The following CDC7 variants were observed in gnomAD, a reference collection of about 807,000 sequenced individuals.
The protein encoded by CDC7 is cell division cycle 7-related protein kinase.
CDC7 carries 34 observed loss-of-function variants against 53.5 expected under a neutral mutation model. The ratio of observed to expected loss-of-function variants is 0.64; its 90% confidence interval spans 0.48 to 0.85. The LOEUF (loss-of-function observed/expected upper bound fraction) is 0.85. Among genes scored for constraint, CDC7 ranks in the 40% least tolerant of loss-of-function variants. The probability of loss-of-function intolerance (pLI) is 0.00; values close to 1 mark genes in which losing one functional copy is unlikely to be tolerated. For synonymous variants in CDC7, 211 were observed against 222.8 expected (o/e 0.95, Z 0.47); for missense variants, 594 against 679.7 (o/e 0.87, Z 1.40).
At position 91,511,837 on chromosome 1, in the gene CDC7, C is replaced by G. The variant is rs13447503; in HGVS notation, c.486C>G (p.Phe162Leu). The G allele has an allele frequency of 1.2e-3, 1,997 of 1,606,686 alleles. 21 individuals are homozygous for G. The African/African-American group carries it at 0.023, about 18-fold the overall frequency. Residue 162 changes from phenylalanine to leucine, a missense_variant, in exon 6 of 12, where the codon TTC becomes TTG. Coordinates refer to ENST00000234626, the MANE Select transcript of CDC7 (RefSeq NM_003503.4). Reference sequence around the variant, plus strand: ...TACGGGAATATATGCTTAATCTGTTCAAAGCTTTGAAACGCATTCATCAGT... The same window carrying G: ...TACGGGAATATATGCTTAATCTGTTGAAAGCTTTGAAACGCATTCATCAGT... ...QEVREYMLNL[F>L]KALKRIHQFG...
At chr1:91,521,671 G>A (rs748713282) in intron 11 of CDC7, among the ~76,000 whole-genome samples, 5 of 152,182 alleles carry the variant, frequency 3.3e-5, no homozygotes, top group African/African-American at 1.2e-4. Flanking sequence ...GAATAACTTC[G>A]TGAGAGGTTT....
chr1:91,525,589 CAT>C lies in CDC7; in HGVS notation c.*1155_*1156del, dbSNP rs1225414760. ...ATAGAATACAGAAATAGTTTAGGGA[CAT>C]GTATTCATTTTGTTATTTTGAGCAT... On this transcript the variant is annotated 3_prime_UTR_variant, in exon 12 of 12. Transcript: ENST00000234626. 6.6e-6 allele frequency: 1 copy of C among 152,014 alleles called. No individual in the cohort carries two copies. Among genetic ancestry groups the C allele is most frequent in the East Asian group, 1.9e-4 (1 of 5,192 alleles). 9.4% of individuals were successfully genotyped at this position (152,014 alleles called of 1,614,324 possible). A position where few individuals can be genotyped will look rare whatever the true frequency, so the allele number is the denominator to read the frequency against.
At chr1:91,508,722 C>T (rs1008775327) in intron 4 of CDC7, among the ~76,000 whole-genome samples, 6 of 152,114 alleles carry the variant, frequency 3.9e-5, no homozygotes, top group African/African-American at 1.2e-4. Flanking sequence ...CACATTTCCC[C>T]AGCTATTGAC....
chr1:91,506,087 A>T (rs554450227), intron 2 of CDC7, among the ~76,000 whole-genome samples: 1 of 152,242 alleles, frequency 6.6e-6, no homozygotes, highest in African/African-American at 2.4e-5. Flanking sequence ...ATAGTTTAGT[A>T]ACCTCAAACT....
intron 10 of CDC7, among the ~76,000 whole-genome samples, chr1:91,517,439 C>G (rs1287640948): frequency 1.3e-5 from 2 of 152,078 alleles, no homozygotes; most frequent in South Asian, 2.1e-4. Context: ...AGGATGTTTA[C>G]CAGATTCCTA....
intron 10 of CDC7, among the ~76,000 whole-genome samples, chr1:91,517,375 G>C (rs998733965): frequency 2.0e-5 from 3 of 152,170 alleles, no homozygotes; most frequent in Admixed American, 2.0e-4. Flanking sequence ...GCAGAGCTTG[G>C]TGGATAATTG....
Position 91,507,702 on chromosome 1 carries a change from G to A in CDC7, c.116-152G>A, listed in dbSNP as rs1254225089. ...AGGTGTGTGTGAGTTATAGCAACTT[G>A]ATGGGTTTTAATCTTATCACAATGT... is the stretch of plus-strand genomic sequence containing the variant. On this transcript the variant is annotated intron_variant, in intron 2 of 11. Coordinates refer to ENST00000234626, the MANE Select transcript of CDC7 (RefSeq NM_003503.4). 5.4e-6 allele frequency: 3 copies of A among 552,954 alleles called. No homozygotes were observed. In the African/African-American group the frequency reaches 6.0e-5, roughly 11 times the overall value. 34.3% of individuals were successfully genotyped at this position (552,954 alleles called of 1,614,324 possible).
chr1:91,510,713 T>A (rs562262305), intron 4 of CDC7, among the ~76,000 whole-genome samples: 3 of 148,518 alleles, frequency 2.0e-5, no homozygotes, highest in Admixed American at 2.0e-4. Flanking sequence ...TCAGGCAAAT[T>A]GTCTTCAGGC....
At position 91,514,871 on chromosome 1, in the gene CDC7, A is replaced by G. The variant is rs528313824; in HGVS notation, c.971A>G (p.Lys324Arg). 3.7e-6 allele frequency: 6 copies of G among 1,613,516 alleles called. No individual in the cohort carries two copies. The Admixed American group carries it at 8.3e-5, about 22-fold the overall frequency. ...GTACTGTCTAGAAAGTTAGCAACAA[A>G]AAAGAAGGCTATTTCTACAAAAGTT... Reference protein sequence around the residue: ...VDVLSRKLATKKKAISTKVMN... With the variant: ...VDVLSRKLATRKKAISTKVMN... Residue 324 changes from lysine (K) to arginine (R), a missense_variant, in exon 9 of 12, where the codon AAA becomes AGA. Coordinates refer to ENST00000234626, the MANE Select transcript of CDC7 (RefSeq NM_003503.4).
chr1:91,513,773 G>T (rs1667409615), intron 7 of CDC7, among the ~76,000 whole-genome samples, 175 bp from the exon 8 acceptor site: 1 of 152,090 alleles, frequency 6.6e-6, no homozygotes, highest in Non-Finnish European at 1.5e-5. Context: ...TGGGTGTTGA[G>T]TTCTGTCTAG....
chr1:91,513,122 T>C lies in CDC7; in HGVS notation c.637T>C (p.Phe213Leu). The C allele has an allele frequency of 6.2e-7, 1 of 1,613,642 alleles. No homozygotes were observed. Among genetic ancestry groups the C allele is most frequent in the Non-Finnish European group, 8.5e-7 (1 of 1,179,698 alleles). Residue 213 changes from phenylalanine to leucine, a missense_variant, in exon 7 of 12, where the codon TTT (phenylalanine) becomes CTT (leucine). Transcript: ENST00000234626. ...TGATACGAAAATAGAGCTTCTTAAA[T>C]TTGTCCAGTCTGAAGCTCAGCAGGA... ...THDTKIELLK[F>L]VQSEAQQERC...
At chr1:91,509,670 A>C (rs1667174603) in intron 4 of CDC7, among the ~76,000 whole-genome samples, 1 of 152,294 alleles carries the variant, frequency 6.6e-6, no homozygotes, top group East Asian at 1.9e-4. Context: ...AATGATCTTT[A>C]AAATATAAAA....
chr1:91,507,906 T>G lies in CDC7; in HGVS notation c.168T>G (p.Asn56Lys). 1 of 1,537,860 alleles carries G rather than the reference T, an allele frequency of 6.5e-7. No individual in the cohort carries two copies. Among genetic ancestry groups the G allele is most frequent in the East Asian group, 2.3e-5 (1 of 42,918 alleles). The change falls in exon 3 of 12, where the codon AAT becomes AAG. Residue 56 changes from asparagine to lysine, a missense_variant. Transcript: ENST00000234626. ...KLYEAVPQLS[N>K]VFKIEDKIGE... Reference sequence around the variant, plus strand: ...ATGAAGCTGTACCACAGCTTAGTAATGTGTTTAAGATTGAGGACAAAATTG... The same window carrying G: ...ATGAAGCTGTACCACAGCTTAGTAAGGTGTTTAAGATTGAGGACAAAATTG...
chr1:91,521,098 GTT>G (rs13447542), intron 11 of CDC7, among the ~76,000 whole-genome samples: 142 of 152,324 alleles, frequency 9.3e-4, no homozygotes, highest in Admixed American at 3.5e-3. Context: ...AGGAGACAAA[GTT>G]TCAGCCAGCC....
chr1:91,521,117 A>G (rs2102402679), intron 11 of CDC7, among the ~76,000 whole-genome samples: 1 of 152,326 alleles, frequency 6.6e-6, no homozygotes, highest in Middle Eastern at 3.4e-3. Flanking sequence ...AGCCTACCTC[A>G]AGAGTAGCTG....
chr1:91,512,278 T>G (rs1276875289), intron 6 of CDC7, among the ~76,000 whole-genome samples: 1 of 152,148 alleles, frequency 6.6e-6, no homozygotes, highest in Non-Finnish European at 1.5e-5. Flanking sequence ...TATTTCTGTT[T>G]CAGTTTCTTT....
Position 91,510,502 on chromosome 1 carries a change from CTGTT to C in CDC7, c.336-1089_336-1086del, listed in dbSNP as rs1333265238. Among the ~76,000 whole-genome samples the C allele has an allele frequency of 3.3e-5, 5 of 152,264 alleles. No individual in the cohort carries two copies. The East Asian group carries it at 9.7e-4, about 29-fold the overall frequency. On this transcript the variant is annotated intron_variant, in intron 4 of 11. Transcript: ENST00000234626. ...CTAAATACTGAATGAATGAATAAGC[CTGTT>C]TGTTTCAGCCTTCTGTGTATTATAG...
intron 10 of CDC7, among the ~76,000 whole-genome samples, chr1:91,516,264 T>G (rs1667554459): frequency 6.6e-6 from 1 of 152,196 alleles, no homozygotes; most frequent in Non-Finnish European, 1.5e-5. Context: ...ATTTGCTTGC[T>G]TAATACCTCA....
chr1:91,504,420 A>AT (rs909563505), intron 2 of CDC7, among the ~76,000 whole-genome samples: 17 of 151,184 alleles, frequency 1.1e-4, no homozygotes, highest in Admixed American at 5.9e-4. Flanking sequence ...GTAAGCTTTT[A>AT]TTTTTTTTTA....
Sources: allele counts gnomAD v4.1 joint callset (sites outside exome capture counted in the v4.1 genomes callset), GRCh38; gene constraint gnomAD v4.1.1; transcripts MANE v1.5; gene names NCBI Gene and HGNC (gene_info 2026-07-23, HGNC 2026-07-21).